The following SFXN5 variants were observed in gnomAD, a reference collection of about 807,000 sequenced individuals.
SFXN5 encodes sideroflexin 5.
A neutral mutation model predicts 50.2 loss-of-function variants in SFXN5; 43 were observed. The observed-to-expected ratio is 0.86, with a 90% CI of 0.67 to 1.11. SFXN5 has a LOEUF of 1.11. Among genes scored for constraint, SFXN5 ranks in the 50% least tolerant of loss-of-function variants. The pLI, the probability that SFXN5 is intolerant of heterozygous loss-of-function variation, is 0.00. For missense variants in SFXN5, 463 were observed against 454.1 expected (o/e 1.02, Z -0.18); for synonymous variants, 203 against 185.8 (o/e 1.09, Z -0.75).
intron 12 of SFXN5, among the ~76,000 whole-genome samples, chr2:72,964,248 TG>T (rs1199581796): frequency 2.6e-5 from 4 of 152,242 alleles, no homozygotes; most frequent in African/African-American, 9.6e-5. Context: ...AGTGTTCTTT[TG>T]TCTTTTTTCC....
intron 2 of SFXN5, among the ~76,000 whole-genome samples, chr2:73,054,236 GATCT>G (rs1466802010): frequency 6.6e-6 from 1 of 152,136 alleles, no homozygotes; most frequent in East Asian, 1.9e-4. Flanking sequence ...GAGAAGTGCA[GATCT>G]TTCTACAAAG....
chr2:72,968,997 G>A (rs1027788292), intron 11 of SFXN5, among the ~76,000 whole-genome samples: 1 of 151,976 alleles, frequency 6.6e-6, no homozygotes, highest in African/African-American at 2.4e-5. Context: ...GGGATGGGAT[G>A]GGGTTTCGCC....
chr2:73,025,492 C>CT (rs1201592218), intron 3 of SFXN5, among the ~76,000 whole-genome samples: 2 of 152,242 alleles, frequency 1.3e-5, no homozygotes, highest in Non-Finnish European at 2.9e-5. Context: ...AAGTTGACTT[C>CT]TGGTAAGGCA....
intron 11 of SFXN5, among the ~76,000 whole-genome samples, chr2:72,970,898 G>C (rs769244416): frequency 1.3e-5 from 2 of 152,138 alleles, no homozygotes; most frequent in Non-Finnish European, 2.9e-5. Flanking sequence ...ATGTTGGCCA[G>C]GCTGGTCTCG....
At chr2:72,975,597 C>T (rs1315894269) in intron 10 of SFXN5, among the ~76,000 whole-genome samples, 2 of 152,166 alleles carry the variant, frequency 1.3e-5, no homozygotes, top group African/African-American at 2.4e-5. Flanking sequence ...CAATGAAAGT[C>T]GTCAGAGAAG....
At chr2:72,990,473 G>A (rs1307083226) in intron 9 of SFXN5, among the ~76,000 whole-genome samples, 7 of 152,170 alleles carry the variant, frequency 4.6e-5, no homozygotes. Context: ...GAGAAAGTGT[G>A]GGAGGAAGCT....
intron 9 of SFXN5, among the ~76,000 whole-genome samples, chr2:72,988,657 G>A (rs1672206404): frequency 6.6e-6 from 1 of 152,118 alleles, no homozygotes; most frequent in Non-Finnish European, 1.5e-5. Flanking sequence ...ACACACTGCA[G>A]AGGAGAAAAG....
intron 10 of SFXN5, among the ~76,000 whole-genome samples, chr2:72,982,269 C>T (rs1218567705): frequency 6.6e-6 from 1 of 152,120 alleles, no homozygotes; most frequent in Non-Finnish European, 1.5e-5. Context: ...AGGGGTGGGC[C>T]CATTGGTCAT....
intron 6 of SFXN5, among the ~76,000 whole-genome samples, chr2:73,003,731 T>A (rs1251161489): frequency 6.6e-6 from 1 of 152,240 alleles, no homozygotes; most frequent in Non-Finnish European, 1.5e-5. Flanking sequence ...TTATCTTTAG[T>A]GGCAAGCATT....
intron 7 of SFXN5, among the ~76,000 whole-genome samples, chr2:73,001,151 G>C (rs939413782): frequency 5.3e-5 from 8 of 152,244 alleles, no homozygotes; most frequent in African/African-American, 1.7e-4. Context: ...CAGCAGATGT[G>C]GGGGAGGCTG....
At chr2:72,958,563 G>A (rs74698175) in intron 13 of SFXN5, among the ~76,000 whole-genome samples, 5 of 152,194 alleles carry the variant, frequency 3.3e-5, no homozygotes, top group Admixed American at 3.3e-4. Flanking sequence ...GCTACTAGAA[G>A]CACAGAGGTA....
At chr2:73,052,975 C>T (rs1681580355) in intron 2 of SFXN5, among the ~76,000 whole-genome samples, 1 of 152,156 alleles carries the variant, frequency 6.6e-6, no homozygotes, top group Non-Finnish European at 1.5e-5. Context: ...GTCAGGAGTT[C>T]AAGACCAGCC....
At chr2:73,069,756 T>G (rs1683440616) in intron 1 of SFXN5, among the ~76,000 whole-genome samples, 1 of 151,898 alleles carries the variant, frequency 6.6e-6, no homozygotes, top group South Asian at 2.1e-4. Context: ...ATTTGATAAA[T>G]GTCTGTTAGG....
intron 1 of SFXN5, 182 bp downstream of exon 1, chr2:73,071,418 AGTCC>A: frequency 3.4e-6 from 2 of 587,432 alleles, no homozygotes; most frequent in South Asian, 4.2e-5. Context: ...CCAAGATGGG[AGTCC>A]GCGCCCGCCC....
intron 2 of SFXN5, 61 bp from the exon 3 acceptor site, chr2:73,040,992 T>C: frequency 6.9e-7 from 1 of 1,446,502 alleles, no homozygotes; most frequent in Non-Finnish European, 9.6e-7. Flanking sequence ...CAAATTTTTC[T>C]TTTGTGGGAT....
intron 3 of SFXN5, among the ~76,000 whole-genome samples, chr2:73,031,758 C>G (rs1456247329): frequency 6.6e-6 from 1 of 152,210 alleles, no homozygotes; most frequent in Non-Finnish European, 1.5e-5. Flanking sequence ...CTGATCCCAT[C>G]ACCAGGCTGC....
intron 7 of SFXN5, 120 bp downstream of exon 7, chr2:73,001,405 T>G: frequency 1.0e-6 from 1 of 990,974 alleles, no homozygotes; most frequent in Non-Finnish European, 1.6e-6. Context: ...GGGGTGGTGT[T>G]GGGGTGGACT....
At chr2:73,030,295 T>G (rs1678138850) in intron 3 of SFXN5, among the ~76,000 whole-genome samples, 1 of 152,148 alleles carries the variant, frequency 6.6e-6, no homozygotes, top group South Asian at 2.1e-4. Flanking sequence ...TCTTTCCATA[T>G]CAGTGCACAG....
chr2:73,058,662 G>C, intron 1 of SFXN5, 66 bp from the exon 2 acceptor site: 1 of 1,493,144 alleles, frequency 6.7e-7, no homozygotes, highest in Non-Finnish European at 9.3e-7. Context: ...CCAGACACTG[G>C]AGAGCCCCAC....
Sources: gnomAD v4.1 joint callset for allele counts (sites outside exome capture counted in the v4.1 genomes callset) on GRCh38, gnomAD v4.1.1 for gene constraint, MANE v1.5 for transcripts, NCBI Gene and HGNC (gene_info 2026-07-23, HGNC 2026-07-21) for gene names.